Variants in NELL1 observed in about 807,000 individuals in gnomAD.
NELL1 encodes the protein neural EGFL like 1, also known as protein kinase C-binding protein NELL1.
NELL1 carries 76 observed loss-of-function variants against 107.4 expected under a neutral mutation model. The ratio of observed to expected loss-of-function variants is 0.71; its 90% CI spans 0.59 to 0.86. NELL1 has a LOEUF of 0.86. Among genes scored for constraint, NELL1 ranks in the 40% least tolerant of loss-of-function variants. NELL1 has a pLI of 0.00. For synonymous variants in NELL1, 353 were observed against 341.2 expected (o/e 1.03, Z -0.38); for missense variants, 1,024 against 1,005.5 (o/e 1.02, Z -0.25).
intron 13 of NELL1, among the ~76,000 whole-genome samples, chr11:21,165,511 G>A (rs1856460329): frequency 6.6e-6 from 1 of 152,052 alleles, no homozygotes; most frequent in African/African-American, 2.4e-5. Context: ...TCTCAGTTTG[G>A]AGGTTCCTCA....
chr11:21,233,471 C>T (rs779307366), intron 14 of NELL1, among the ~76,000 whole-genome samples: 1 of 152,038 alleles, frequency 6.6e-6, no homozygotes, highest in South Asian at 2.1e-4. Flanking sequence ...TTAACTCTCT[C>T]CCTCACACAT....
chr11:21,045,123 T>C (rs980353460), intron 12 of NELL1, among the ~76,000 whole-genome samples: 5 of 152,120 alleles, frequency 3.3e-5, no homozygotes, highest in Admixed American at 3.3e-4. Flanking sequence ...GGCTGATGAA[T>C]AGTGAGAAAG....
intron 3 of NELL1, among the ~76,000 whole-genome samples, chr11:20,796,704 C>G (rs1590302919): frequency 6.6e-6 from 1 of 152,112 alleles, no homozygotes; most frequent in East Asian, 1.9e-4. Flanking sequence ...CAATGCAAAA[C>G]TATCAAATAC....
chr11:21,546,284 T>C (rs1490329791), intron 16 of NELL1, among the ~76,000 whole-genome samples: 3 of 152,030 alleles, frequency 2.0e-5, no homozygotes, highest in African/African-American at 7.2e-5. Context: ...TGATATTGAA[T>C]TCCATGTAGT....
chr11:20,988,484 T>C (rs954152673), intron 12 of NELL1, among the ~76,000 whole-genome samples: 5 of 151,192 alleles, frequency 3.3e-5, no homozygotes, highest in African/African-American at 9.7e-5. Context: ...TATCTATATA[T>C]ACACATGTAC....
intron 14 of NELL1, among the ~76,000 whole-genome samples, chr11:21,310,323 A>G (rs185033518): frequency 1.6e-4 from 25 of 152,230 alleles, no homozygotes; most frequent in Non-Finnish European, 2.9e-4. Flanking sequence ...GCTGATAATT[A>G]CGGTATTACC....
At chr11:20,804,298 C>T (rs953640078) in intron 3 of NELL1, among the ~76,000 whole-genome samples, 8 of 152,124 alleles carry the variant, frequency 5.3e-5, no homozygotes, top group African/African-American at 1.9e-4. Context: ...TGCAGTGGTG[C>T]GATTTCAGCT....
chr11:20,737,352 G>A (rs1366346052), intron 2 of NELL1, among the ~76,000 whole-genome samples: 2 of 152,062 alleles, frequency 1.3e-5, no homozygotes, highest in Admixed American at 1.3e-4. Context: ...GAGCAAAAAA[G>A]GGCCAAGAGG....
intron 14 of NELL1, among the ~76,000 whole-genome samples, chr11:21,267,414 T>C (rs2133930316): frequency 6.6e-6 from 1 of 152,282 alleles, no homozygotes; most frequent in Non-Finnish European, 1.5e-5. Flanking sequence ...TATGTTAGAT[T>C]AACCATATAT....
intron 2 of NELL1, among the ~76,000 whole-genome samples, chr11:20,750,973 G>A (rs568006328): frequency 1.4e-4 from 22 of 152,234 alleles, no homozygotes; most frequent in African/African-American, 4.6e-4. Context: ...GGCACTATGT[G>A]TTGAAAAGAC....
chr11:21,415,584 AT>A, intron 15 of NELL1, among the ~76,000 whole-genome samples: 3 of 151,232 alleles, frequency 2.0e-5, no homozygotes, highest in African/African-American at 7.3e-5. Context: ...TTTCCCCCCT[AT>A]TTTTTCTATT....
intron 13 of NELL1, among the ~76,000 whole-genome samples, chr11:21,194,337 T>C (rs558212850): frequency 6.6e-6 from 1 of 152,222 alleles, no homozygotes; most frequent in East Asian, 1.9e-4. Flanking sequence ...GGCTTGGTTG[T>C]TTTTTCCCAA....
intron 9 of NELL1, among the ~76,000 whole-genome samples, chr11:20,930,014 A>T (rs1850585895): frequency 6.6e-6 from 1 of 151,700 alleles, no homozygotes; most frequent in African/African-American, 2.4e-5. Flanking sequence ...GGGATGTATT[A>T]AAAAATGTGA....
At chr11:21,380,747 C>T (rs1053539903) in intron 15 of NELL1, among the ~76,000 whole-genome samples, 9 of 152,056 alleles carry the variant, frequency 5.9e-5, no homozygotes, top group African/African-American at 2.2e-4. Flanking sequence ...TCTCATTGTC[C>T]AGACAAACAG....
At chr11:21,100,416 G>T (rs777305783) in intron 12 of NELL1, among the ~76,000 whole-genome samples, 1 of 152,124 alleles carries the variant, frequency 6.6e-6, no homozygotes, top group Non-Finnish European at 1.5e-5. Flanking sequence ...TTTATCACTG[G>T]ATACAGAAAC....
intron 15 of NELL1, among the ~76,000 whole-genome samples, chr11:21,408,484 C>T (rs756824287): frequency 2.0e-5 from 3 of 152,072 alleles, no homozygotes; most frequent in African/African-American, 4.8e-5. Context: ...AGAAGCTCTA[C>T]TTACAGACAT....
At chr11:21,568,226 ATT>A (rs1414765447) in intron 17 of NELL1, among the ~76,000 whole-genome samples, 1 of 151,828 alleles carries the variant, frequency 6.6e-6, no homozygotes, top group Admixed American at 6.6e-5. Flanking sequence ...AGTGGTGAGT[ATT>A]TGTATATCCA....
intron 15 of NELL1, among the ~76,000 whole-genome samples, chr11:21,490,458 CAA>C (rs66826369): frequency 0.14 from 15,714 of 110,014 alleles, 1,824 homozygotes; most frequent in African/African-American, 0.36. Flanking sequence ...TGTATGGAAC[CAA>C]AAAAAAAAAA....
intron 15 of NELL1, among the ~76,000 whole-genome samples, chr11:21,423,263 G>A (rs1036195716): frequency 5.3e-5 from 8 of 151,926 alleles, no homozygotes; most frequent in Middle Eastern, 3.2e-3. Context: ...CCAGCTACTC[G>A]GGAGGCTGAG....
Sources: allele counts gnomAD v4.1 joint callset (sites outside exome capture counted in the v4.1 genomes callset), GRCh38; gene constraint gnomAD v4.1.1; transcripts MANE v1.5; gene names NCBI Gene and HGNC (gene_info 2026-07-23, HGNC 2026-07-21).